The following DAB1 variants were observed in gnomAD, a reference collection of about 807,000 sequenced individuals.
DAB1 encodes the protein DAB adaptor protein 1.
In DAB1, 15 loss-of-function variants were observed where a neutral mutation model predicts 64.6. That is an observed-to-expected ratio of 0.23 (90% CI 0.16 to 0.36). DAB1 has a LOEUF of 0.36. DAB1 is among the 10% of genes least tolerant of loss of function. DAB1 has a pLI of 1.00. For synonymous variants in DAB1, 235 were observed against 251.9 expected, an observed-to-expected ratio of 0.93 and a Z score of 0.64; for missense variants, 596 against 706.7, an observed-to-expected ratio of 0.84 and a Z score of 1.78.
intron 3 of DAB1, among the ~76,000 whole-genome samples, chr1:58,402,709 G>A (rs889121581): frequency 2.6e-5 from 4 of 152,112 alleles, no homozygotes; most frequent in Non-Finnish European, 4.4e-5. Context: ...CTTTTTCCGC[G>A]TTTATTTATG....
At chr1:57,374,936 GC>G (rs1680780883) in intron 1 of DAB1, among the ~76,000 whole-genome samples, 2 of 152,132 alleles carry the variant, frequency 1.3e-5, no homozygotes, top group Admixed American at 1.3e-4. Flanking sequence ...AGGTGCAGCA[GC>G]CCATTTTGTA....
intron 3 of DAB1, chr1:58,474,003 G>T (rs745904200): frequency 2.1e-5 from 25 of 1,203,272 alleles, no homozygotes; most frequent in Non-Finnish European, 2.7e-5. Context: ...TTTATGCCTG[G>T]ACTTTGATTT....
At chr1:57,786,404 G>A (rs1311435050) in intron 6 of DAB1, among the ~76,000 whole-genome samples, 1 of 152,102 alleles carries the variant, frequency 6.6e-6, no homozygotes, top group Non-Finnish European at 1.5e-5. Flanking sequence ...ACTGTATGCT[G>A]TCTTTTCAAG....
intron 12 of DAB1, among the ~76,000 whole-genome samples, chr1:57,014,364 G>T (rs1367439530): frequency 6.6e-6 from 1 of 152,152 alleles, no homozygotes; most frequent in Admixed American, 6.5e-5. Flanking sequence ...TCTGCCCTAA[G>T]TTTTCTCTTG....
At chr1:57,172,303 T>A (rs1190267591) in intron 2 of DAB1, among the ~76,000 whole-genome samples, 1 of 152,006 alleles carries the variant, frequency 6.6e-6, no homozygotes, top group Non-Finnish European at 1.5e-5. Context: ...GACTGGGGGG[T>A]AGCACAATGC....
intron 5 of DAB1, among the ~76,000 whole-genome samples, chr1:58,020,897 C>T (rs966859495): frequency 3.9e-5 from 6 of 151,912 alleles, no homozygotes; most frequent in South Asian, 2.1e-4. Flanking sequence ...CAGCTACTTG[C>T]GAGGCTGAGG....
At chr1:57,850,587 T>C (rs567304827) in intron 1 of DAB1, among the ~76,000 whole-genome samples, 7 of 152,300 alleles carry the variant, frequency 4.6e-5, no homozygotes, top group African/African-American at 1.4e-4. Flanking sequence ...CATTAGTCGC[T>C]GTGGCTCCCC....
intron 6 of DAB1, among the ~76,000 whole-genome samples, chr1:57,748,074 A>G (rs1648371445): frequency 6.6e-6 from 1 of 152,168 alleles, no homozygotes; most frequent in African/African-American, 2.4e-5. Context: ...GGCAATTTAC[A>G]GAGATTTTAC....
At chr1:58,154,140 T>G (rs1212215647) in intron 4 of DAB1, among the ~76,000 whole-genome samples, 1 of 152,008 alleles carries the variant, frequency 6.6e-6, no homozygotes, top group Non-Finnish European at 1.5e-5. Flanking sequence ...ACGCTCCCTA[T>G]CCTTCAAGGG....
chr1:58,280,759 A>G (rs1661541676), intron 4 of DAB1, among the ~76,000 whole-genome samples: 2 of 152,202 alleles, frequency 1.3e-5, no homozygotes, highest in Non-Finnish European at 2.9e-5. Flanking sequence ...TGCAGAATTG[A>G]GGAGGGTTTC....
rs557697906 is a variant in DAB1, at chr1:58,317,427, T to G, written n.309+25925A>C. ...TATCTGGGTGAGCCAGATCTCATCATGTAAAGCCTTAAAAATACAGTTGTG... is the reference window on the plus strand; with the variant it reads ...TATCTGGGTGAGCCAGATCTCATCAGGTAAAGCCTTAAAAATACAGTTGTG... On this transcript the variant is annotated intron_variant and non_coding_transcript_variant, in intron 4 of 20. Transcript: ENST00000485760. 3.3e-5 allele frequency among the ~76,000 whole-genome samples: 5 copies of G among 152,380 alleles called. No individual in the cohort carries two copies. In the South Asian group the frequency reaches 1.0e-3, roughly 32 times the overall value.
chr1:57,081,103 A>G (rs1193643860), intron 4 of DAB1, among the ~76,000 whole-genome samples: 1 of 152,202 alleles, frequency 6.6e-6, no homozygotes, highest in Non-Finnish European at 1.5e-5. Flanking sequence ...TCCAGAAGGC[A>G]TGTACTGTAT....
At chr1:58,283,939 T>C (rs1661625000) in intron 4 of DAB1, among the ~76,000 whole-genome samples, 1 of 152,228 alleles carries the variant, frequency 6.6e-6, no homozygotes, top group Non-Finnish European at 1.5e-5. Context: ...ACGTGTTTAA[T>C]ACATGTTTGC....
At chr1:57,431,143 C>CACAAAAAAAAAAAAAAAAAAAAAAAA (rs749097562) in intron 7 of DAB1, among the ~76,000 whole-genome samples, 4 of 96,378 alleles carry the variant, frequency 4.2e-5, no homozygotes, top group African/African-American at 1.1e-4. Flanking sequence ...AGGCCAAAAA[C>CACAAAAAAAAAAAAAAAAAAAAAAAA]AAAAAAAAAA....
At position 58,077,744 on chromosome 1, in the gene DAB1, C is replaced by T. The variant is rs183996295; in HGVS notation, n.387+72767G>A. ...GAAAGGAGAAAGGAAAGATTGACGGCTTCCAAAGGCTGGGGAGCACGTTCC... is the reference window on the plus strand; with the variant it reads ...GAAAGGAGAAAGGAAAGATTGACGGTTTCCAAAGGCTGGGGAGCACGTTCC... On this transcript the variant is annotated intron_variant and non_coding_transcript_variant, in intron 5 of 20. Coordinates refer to the DAB1 transcript ENST00000485760. Among the ~76,000 whole-genome samples, 17 of 152,306 alleles carry T rather than the reference C, an allele frequency of 1.1e-4. No homozygotes were observed. In the East Asian group the frequency reaches 3.1e-3, roughly 28 times the overall value.
chr1:57,220,238 C>T (rs980604161), intron 2 of DAB1, among the ~76,000 whole-genome samples: 1 of 152,156 alleles, frequency 6.6e-6, no homozygotes, highest in Non-Finnish European at 1.5e-5. Flanking sequence ...TTGCTATAAT[C>T]TGTCTGGAAA....
intron 7 of DAB1, among the ~76,000 whole-genome samples, chr1:57,468,079 A>G (rs1449937850): frequency 6.6e-6 from 1 of 152,196 alleles, no homozygotes; most frequent in Non-Finnish European, 1.5e-5. Flanking sequence ...ACACTGAACT[A>G]TATTTTCTTG....
intron 5 of DAB1, among the ~76,000 whole-genome samples, chr1:58,056,958 C>T (rs966983083): frequency 2.6e-5 from 4 of 151,634 alleles, no homozygotes; most frequent in East Asian, 1.9e-4. Flanking sequence ...TGCTGTAACT[C>T]GTATGTTTTC....
At chr1:58,112,252 C>A (rs1411901517) in intron 5 of DAB1, among the ~76,000 whole-genome samples, 1 of 152,210 alleles carries the variant, frequency 6.6e-6, no homozygotes, top group Non-Finnish European at 1.5e-5. Context: ...TATATGTTAA[C>A]TTATTTATTG....
Sources: gnomAD v4.1 joint callset for allele counts (sites outside exome capture counted in the v4.1 genomes callset) on GRCh38, gnomAD v4.1.1 for gene constraint, MANE v1.5 for transcripts, NCBI Gene and HGNC (gene_info 2026-07-23, HGNC 2026-07-21) for gene names.